Variants in GALNT17 observed in about 807,000 individuals in gnomAD.
The protein encoded by GALNT17 is polypeptide N-acetylgalactosaminyltransferase 17, also known as UDP-GalNAc:polypeptide N-acetylgalactosaminyltransferase-like 3.
A neutral mutation model predicts 63.7 loss-of-function variants in GALNT17; 29 were observed. That is an observed-to-expected ratio of 0.46 (90% confidence interval 0.34 to 0.62). The LOEUF is 0.62. GALNT17 is among the 20% of genes least tolerant of loss of function. The pLI is 0.01. For missense variants in GALNT17, 603 were observed against 799.6 expected (o/e 0.75, Z 2.97); for synonymous variants, 305 against 318.3 (o/e 0.96, Z 0.45).
chr7:71,673,469 T>C (rs1394734570), intron 8 of GALNT17, among the ~76,000 whole-genome samples: 2 of 152,168 alleles, frequency 1.3e-5, no homozygotes. Flanking sequence ...AGTGTGATAA[T>C]AGCATTGGGA....
intron 5 of GALNT17, among the ~76,000 whole-genome samples, chr7:71,526,484 A>G (rs191025388): frequency 5.2e-4 from 79 of 152,170 alleles, no homozygotes; most frequent in African/African-American, 1.8e-3. Context: ...ACATGGTTAC[A>G]TGGAATTTTT....
At chr7:71,592,375 A>G (rs1488652035) in intron 6 of GALNT17, among the ~76,000 whole-genome samples, 7 of 151,912 alleles carry the variant, frequency 4.6e-5, no homozygotes. Flanking sequence ...AGTGCCTGTA[A>G]TCCCAGCTAT....
chr7:71,555,406 G>A (rs995405566), intron 5 of GALNT17, among the ~76,000 whole-genome samples: 2 of 148,734 alleles, frequency 1.3e-5, no homozygotes, highest in Admixed American at 6.8e-5. Flanking sequence ...GATTCCCCAG[G>A]TGATCCTAAA....
chr7:71,340,899 A>G (rs1791994920), intron 2 of GALNT17, among the ~76,000 whole-genome samples: 1 of 152,054 alleles, frequency 6.6e-6, no homozygotes, highest in African/African-American at 2.4e-5. Flanking sequence ...TTAGCTGGGC[A>G]TAGTGGTGCA....
intron 3 of GALNT17, among the ~76,000 whole-genome samples, chr7:71,390,753 G>GT (rs1793035265): frequency 6.6e-6 from 1 of 152,138 alleles, no homozygotes; most frequent in Non-Finnish European, 1.5e-5. Context: ...AGTCCCACCT[G>GT]TTTCCCAGCT....
rs186084159 is a variant in GALNT17, at chr7:71,461,244, A to G, written c.962+40139A>G. The stretch of plus-strand genomic sequence containing the variant: ...ACCGTAGACTTGTCAAGGGAAAGCC[A>G]AATGCACACATCACTGTGAACATTG... On this transcript the variant is annotated intron_variant, in intron 5 of 10. Coordinates refer to ENST00000333538, the MANE Select transcript of GALNT17 (RefSeq NM_022479.3). Among the ~76,000 whole-genome samples the G allele has an allele frequency of 9.8e-3, 1,486 of 152,354 alleles. 14 individuals carry two copies. Among genetic ancestry groups the G allele is most frequent in the Non-Finnish European group, 0.017 (1,133 of 68,036 alleles).
At chr7:71,381,196 T>C (rs2906256) in intron 2 of GALNT17, among the ~76,000 whole-genome samples, 151,219 of 151,860 alleles carry the variant, frequency 1, 75,292 homozygotes, top group Middle Eastern at 1. Flanking sequence ...TCCTGACCTC[T>C]GGTGGTCCGC....
intron 1 of GALNT17, among the ~76,000 whole-genome samples, chr7:71,277,902 A>G (rs992101556): frequency 6.6e-6 from 1 of 152,224 alleles, no homozygotes; most frequent in Non-Finnish European, 1.5e-5. Context: ...AGGGGAAGAA[A>G]ACTTCAAATC....
intron 5 of GALNT17, among the ~76,000 whole-genome samples, chr7:71,472,968 A>T (rs746549411): frequency 6.6e-6 from 1 of 152,220 alleles, no homozygotes; most frequent in Non-Finnish European, 1.5e-5. Context: ...GTCAGGTTAC[A>T]GGTTGGCTTT....
chr7:71,612,552 A>G (rs553711456), intron 6 of GALNT17, among the ~76,000 whole-genome samples: 34 of 152,210 alleles, frequency 2.2e-4, no homozygotes, highest in Admixed American at 5.2e-4. Flanking sequence ...CACAGCGTAG[A>G]TGAGATGTGC....
chr7:71,669,680 G>A (rs183937627), intron 7 of GALNT17, among the ~76,000 whole-genome samples: 1 of 150,702 alleles, frequency 6.6e-6, no homozygotes, highest in Non-Finnish European at 1.5e-5. Flanking sequence ...TCGTGCCTCA[G>A]CCTCCTGAGT....
chr7:71,470,546 T>G (rs1410628751), intron 5 of GALNT17, among the ~76,000 whole-genome samples: 2 of 152,082 alleles, frequency 1.3e-5, no homozygotes, highest in African/African-American at 4.8e-5. Context: ...CTGCTCACTT[T>G]TAGAAATGAA....
intron 6 of GALNT17, among the ~76,000 whole-genome samples, chr7:71,594,923 T>C (rs1789864098): frequency 6.6e-6 from 1 of 152,190 alleles, no homozygotes; most frequent in South Asian, 2.1e-4. Flanking sequence ...TATTGGGACA[T>C]AGAGACTCTG....
chr7:71,418,260 C>G (rs1786583800), intron 4 of GALNT17, among the ~76,000 whole-genome samples: 1 of 152,190 alleles, frequency 6.6e-6, no homozygotes, highest in South Asian at 2.1e-4. Context: ...TAGTCTTTGC[C>G]ATTCAGACGC....
intron 6 of GALNT17, among the ~76,000 whole-genome samples, chr7:71,609,912 G>A (rs1394019757): frequency 1.3e-5 from 2 of 151,894 alleles, no homozygotes; most frequent in African/African-American, 2.4e-5. Context: ...AGGCTCAATC[G>A]ATAAATATTT....
At chr7:71,177,870 ATAATC>A (rs1400872235) in intron 1 of GALNT17, among the ~76,000 whole-genome samples, 2 of 152,226 alleles carry the variant, frequency 1.3e-5, no homozygotes, top group Non-Finnish European at 2.9e-5. Context: ...TCTAGAGACT[ATAATC>A]TATATATATT....
intron 1 of GALNT17, among the ~76,000 whole-genome samples, chr7:71,144,876 A>C (rs538488943): frequency 3.0e-4 from 46 of 152,216 alleles, no homozygotes; most frequent in South Asian, 8.3e-4. Context: ...CTACAGGTGC[A>C]TGCCACCATG....
chr7:71,273,575 A>T (rs948500060), intron 1 of GALNT17, among the ~76,000 whole-genome samples: 1 of 152,210 alleles, frequency 6.6e-6, no homozygotes, highest in African/African-American at 2.4e-5. Flanking sequence ...GTAGACAATG[A>T]AGTATTCCTG....
intron 5 of GALNT17, among the ~76,000 whole-genome samples, chr7:71,497,951 G>T (rs116042488): frequency 5.3e-4 from 80 of 152,318 alleles, no homozygotes; most frequent in African/African-American, 1.9e-3. Context: ...CGAAAGTACA[G>T]CATGATTGGA....
Sources: gnomAD v4.1 joint callset for allele counts (sites outside exome capture counted in the v4.1 genomes callset) on GRCh38, gnomAD v4.1.1 for gene constraint, MANE v1.5 for transcripts, NCBI Gene and HGNC (gene_info 2026-07-23, HGNC 2026-07-21) for gene names.